The following PDE4A variants were observed in gnomAD, a reference collection of about 807,000 sequenced individuals.
PDE4A encodes the protein 3',5'-cyclic-AMP phosphodiesterase 4A.
Under a neutral mutation model 73.9 loss-of-function variants are expected in PDE4A, and 21 were observed. That is an observed-to-expected ratio of 0.28 (90% CI 0.20 to 0.41). The LOEUF (loss-of-function observed/expected upper bound fraction) is 0.41. Among genes scored for constraint, PDE4A ranks in the 10% least tolerant of loss-of-function variants. The pLI is 1.00. For missense variants in PDE4A, 958 were observed against 1,211.4 expected, an observed-to-expected ratio of 0.79 and a Z score of 3.10; for synonymous variants, 463 against 505.4, an observed-to-expected ratio of 0.92 and a Z score of 1.13.
At chr19:10,459,355 C>G (rs201192417) in intron 8 of PDE4A, 45 bp from the exon 9 acceptor site, 4 of 1,613,906 alleles carry the variant, frequency 2.5e-6, no homozygotes, top group African/African-American at 2.7e-5. Flanking sequence ...TCTCCAGGGC[C>G]CTGAGCCTTA....
intron 6 of PDE4A, 189 bp from the exon 7 acceptor site, chr19:10,454,640 C>G: frequency 1.9e-6 from 1 of 521,788 alleles, no homozygotes; most frequent in Non-Finnish European, 2.5e-6. Context: ...ACCTGGGGAC[C>G]TCCATCCAGA....
chr19:10,467,778 C>A lies in PDE4A; in HGVS notation c.*157C>A. ...TTTTTTTCTGTTTTCTTTTTTTCCC[C>A]TTTCCCCCTGCCCCCACCCACGGGG... On this transcript the variant is annotated 3_prime_UTR_variant, in exon 15 of 15. Coordinates refer to ENST00000380702, the MANE Select transcript of PDE4A (RefSeq NM_001111307.2). 1 of 552,454 alleles carries A rather than the reference C, an allele frequency of 1.8e-6. No homozygotes were observed. 34.2% of individuals were successfully genotyped at this position (552,454 alleles called of 1,614,324 possible). A position where few individuals can be genotyped will look rare whatever the true frequency, so the allele number is the denominator to read the frequency against.
chr19:10,436,859 G>C (rs1364041890), intron 1 of PDE4A, among the ~76,000 whole-genome samples: 4 of 152,144 alleles, frequency 2.6e-5, no homozygotes, highest in African/African-American at 9.6e-5. Flanking sequence ...GGCCAACATG[G>C]TGAAACCCGT....
intron 8 of PDE4A, 160 bp from the exon 9 acceptor site, chr19:10,459,240 C>T: frequency 1.5e-6 from 2 of 1,296,154 alleles, no homozygotes; most frequent in Non-Finnish European, 2.1e-6. Flanking sequence ...TTTTGCAGCC[C>T]AGTAGGACGA....
intron 1 of PDE4A, chr19:10,427,936 A>T (rs1029286295): frequency 1.1e-5 from 8 of 754,910 alleles, no homozygotes; most frequent in Non-Finnish European, 1.3e-5. Flanking sequence ...TGGAGGTTGC[A>T]GTGAGCCAAT....
chr19:10,459,120 C>T (rs910528464), intron 8 of PDE4A: 12 of 451,530 alleles, frequency 2.7e-5, no homozygotes, highest in African/African-American at 9.9e-5. Context: ...GAAGTCACAT[C>T]GCCTCTCTGA....
intron 1 of PDE4A, among the ~76,000 whole-genome samples, chr19:10,445,593 C>G (rs2042991967): frequency 6.6e-6 from 1 of 151,896 alleles, no homozygotes; most frequent in African/African-American, 2.4e-5. Flanking sequence ...CATGGTGGAA[C>G]CCCATCTCTA....
chr19:10,417,262 G>A (rs1464386664), upstream of PDE4A: 12 of 985,010 alleles, frequency 1.2e-5, no homozygotes, highest in Non-Finnish European at 1.4e-5. Flanking sequence ...TAGGGGTGGT[G>A]AGGTCTTGAG....
rs1189395445 is a variant in PDE4A at position 10,420,996 on chromosome 19, G to A, written c.232G>A (p.Gly78Ser). 2 of 1,525,272 alleles carry A rather than the reference G, an allele frequency of 1.3e-6. No homozygotes were observed. The highest frequency in any genetic ancestry group is 2.4e-5 in the South Asian group (2 of 82,188). 94.5% of individuals were successfully genotyped at this position (1,525,272 alleles called of 1,614,324 possible). Reference sequence around the variant, plus strand: ...TGCCATGGACACCAGCGACCGGCCCGGCCTGCGCACGACCCGCATGTCCTG... The same window carrying A: ...TGCCATGGACACCAGCGACCGGCCCAGCCTGCGCACGACCCGCATGTCCTG... ...ADAMDTSDRPGLRTTRMSWPS... is the reference protein window; with the variant it reads ...ADAMDTSDRPSLRTTRMSWPS... The change falls in exon 1 of 15, where the codon GGC becomes AGC. Residue 78 changes from glycine (G) to serine (S), a missense_variant. By Grantham distance (56) the Gly-to-Ser change is moderately conservative. Transcript: ENST00000380702. This position sits in a 1 kb window ranked among gnomAD's most constrained non-coding sequence, Gnocchi z 6.0.
intron 1 of PDE4A, chr19:10,427,939 G>A: frequency 1.4e-6 from 1 of 702,858 alleles, no homozygotes; most frequent in Non-Finnish European, 1.7e-6. Flanking sequence ...AGGTTGCAGT[G>A]AGCCAATATC....
chr19:10,467,204 A>G lies in PDE4A; in HGVS notation c.2244A>G (p.Ala748=). Reference sequence around the variant, plus strand: ...CAGGAGTCGAGGAAGCTCTGGATGCAACCATAGCCTGGGAGGCATCCCCGG... The same window carrying G: ...CAGGAGTCGAGGAAGCTCTGGATGCGACCATAGCCTGGGAGGCATCCCCGG... ...GLSGVEEALD[A]TIAWEASPAQ... is the part of the protein sequence containing the mutation. Residue 748 remains alanine (A), a synonymous_variant, in exon 15 of 15, where the codon GCA becomes GCG. Transcript: ENST00000380702. The G allele has an allele frequency of 6.2e-7, 1 of 1,614,110 alleles. No homozygotes were observed. The highest frequency in any genetic ancestry group is 8.5e-7 in the Non-Finnish European group (1 of 1,179,994).
At chr19:10,430,970 G>T (rs369163282) in intron 1 of PDE4A, 17 of 1,543,342 alleles carry the variant, frequency 1.1e-5, no homozygotes, top group Middle Eastern at 1.7e-4. Flanking sequence ...CCCGCCGCCC[G>T]CGTTCGCCGC....
chr19:10,439,331 G>T (rs988860344), intron 1 of PDE4A, among the ~76,000 whole-genome samples: 1 of 151,938 alleles, frequency 6.6e-6, no homozygotes, highest in Non-Finnish European at 1.5e-5. Flanking sequence ...ACAGGTGCCT[G>T]CCACCACGCC....
chr19:10,457,774 G>C (rs1049127193), intron 7 of PDE4A, 105 bp from the exon 8 acceptor site: 1 of 1,527,780 alleles, frequency 6.5e-7, no homozygotes, highest in Non-Finnish European at 8.8e-7. Context: ...GGGTTCTGCC[G>C]TTTCGGGTGA....
chr19:10,459,482 T>G lies in PDE4A; in HGVS notation c.1184T>G (p.Met395Arg). The change falls in exon 9 of 15, where the codon ATG (methionine) becomes AGG (arginine). Residue 395 changes from methionine (M) to arginine (R), a missense_variant. Transcript: ENST00000380702. ...YAGGRSLTCI[M>R]YMIFQERDLL... ...GGAGGCCGCTCACTCACCTGCATCA[T>G]GTACATGATATTCCAGGTGATGGGG... 6.2e-7 allele frequency: 1 copy of G among 1,614,006 alleles called. No individual in the cohort carries two copies. Among genetic ancestry groups the G allele is most frequent in the Non-Finnish European group, 8.5e-7 (1 of 1,179,914 alleles).
chr19:10,444,028 A>G lies in PDE4A; in HGVS notation c.321-2190A>G, dbSNP rs185386462. Reference sequence around the variant, plus strand: ...TCAAAAAAAAAAAAAAAAGATAAATATAGATTATGTCAAGTAAGTAGTGGG... The same window carrying G: ...TCAAAAAAAAAAAAAAAAGATAAATGTAGATTATGTCAAGTAAGTAGTGGG... On this transcript the variant is annotated intron_variant, in intron 1 of 14. Coordinates refer to ENST00000380702, the MANE Select transcript of PDE4A (RefSeq NM_001111307.2). 2.6e-5 allele frequency among the ~76,000 whole-genome samples: 4 copies of G among 151,242 alleles called. No homozygotes were observed. The East Asian group carries it at 7.8e-4, about 29-fold the overall frequency.
intron 1 of PDE4A, chr19:10,432,490 C>G (rs2145476668): frequency 6.6e-7 from 1 of 1,513,628 alleles, no homozygotes; most frequent in Admixed American, 2.2e-5. Context: ...CTGGCACTGC[C>G]CCCCACGGGC....
chr19:10,453,208 G>T lies in PDE4A; in HGVS notation c.784-1621G>T. 2 of 1,558,992 alleles carry T rather than the reference G, an allele frequency of 1.3e-6. No individual in the cohort carries two copies. The highest frequency in any genetic ancestry group is 1.2e-5 in the South Asian group (1 of 82,416). ...CCTCCCCAGTGGTTGTTAACCCCGG[G>T]ACTCCCCAAGCCCAGCCTCTGTGTG... is the stretch of plus-strand genomic sequence containing the variant. On this transcript the variant is annotated intron_variant, in intron 6 of 14. Transcript: ENST00000380702. The surrounding 1 kb of genome is among the most constrained non-coding windows in gnomAD (Gnocchi z 4.6).
At chr19:10,422,525 A>G (rs893640170) in intron 1 of PDE4A, among the ~76,000 whole-genome samples, 1 of 152,048 alleles carries the variant, frequency 6.6e-6, no homozygotes, top group African/African-American at 2.4e-5. Context: ...TGGATGCCCC[A>G]CTGCTGGGGA....
Sources: gnomAD v4.1 joint callset for allele counts (sites outside exome capture counted in the v4.1 genomes callset) on GRCh38, gnomAD v4.1.1 for gene constraint, Gnocchi (gnomAD v3.1) non-coding constraint, MANE v1.5 for transcripts, NCBI Gene and HGNC (gene_info 2026-07-23, HGNC 2026-07-21) for gene names.